Variants in DAAM1 observed in about 807,000 individuals in gnomAD.
DAAM1 encodes the protein disheveled-associated activator of morphogenesis 1.
A neutral mutation model predicts 130.0 loss-of-function variants in DAAM1; 52 were observed. The ratio of observed to expected loss-of-function variants is 0.40; its 90% CI spans 0.32 to 0.50. DAAM1 has a LOEUF of 0.50. DAAM1 is among the 20% of genes least tolerant of loss of function. The pLI is 0.61. For synonymous variants in DAAM1, 452 were observed against 444.5 expected (o/e 1.02, Z -0.21); for missense variants, 1,134 against 1,303.8 (o/e 0.87, Z 2.01).
At chr14:59,239,587 T>C (rs1268328529) in intron 1 of DAAM1, among the ~76,000 whole-genome samples, 2 of 152,166 alleles carry the variant, frequency 1.3e-5, no homozygotes, top group African/African-American at 2.4e-5. Context: ...ATTTTTAGAT[T>C]CTTGACATTT....
chr14:59,248,918 G>T (rs1264005997), intron 1 of DAAM1, among the ~76,000 whole-genome samples: 3 of 152,092 alleles, frequency 2.0e-5, no homozygotes, highest in Non-Finnish European at 4.4e-5. Context: ...CTCCCAAGTA[G>T]CTGGGACTAC....
chr14:59,280,637 C>T (rs1160002531), intron 2 of DAAM1, among the ~76,000 whole-genome samples: 10 of 139,874 alleles, frequency 7.1e-5, no homozygotes, highest in South Asian at 2.4e-4. Flanking sequence ...CTTTTGGGAA[C>T]GAGTTCACAA....
chr14:59,211,032 C>A (rs189883937), intron 1 of DAAM1, among the ~76,000 whole-genome samples: 1 of 152,162 alleles, frequency 6.6e-6, no homozygotes, highest in African/African-American at 2.4e-5. Context: ...GCTGTACTTA[C>A]GGTCCAATTG....
intron 2 of DAAM1, among the ~76,000 whole-genome samples, chr14:59,283,109 T>A (rs1883293664): frequency 6.6e-6 from 1 of 152,178 alleles, no homozygotes; most frequent in African/African-American, 2.4e-5. Flanking sequence ...ATCACATGTT[T>A]CTTCACACCT....
At chr14:59,313,781 A>AAG (rs1884682968) in intron 3 of DAAM1, among the ~76,000 whole-genome samples, 1 of 152,238 alleles carries the variant, frequency 6.6e-6, no homozygotes, top group Non-Finnish European at 1.5e-5. Context: ...TATTTTATTA[A>AAG]CATGTTAAAG....
intron 1 of DAAM1, among the ~76,000 whole-genome samples, chr14:59,198,239 A>G (rs1206241549): frequency 1.5e-5 from 2 of 132,722 alleles, no homozygotes; most frequent in Non-Finnish European, 3.1e-5. Context: ...GTAGTCTTGC[A>G]CTGTTGCCCA....
At chr14:59,262,295 G>A (rs889015295) in intron 1 of DAAM1, among the ~76,000 whole-genome samples, 14 of 152,108 alleles carry the variant, frequency 9.2e-5, no homozygotes, top group African/African-American at 3.4e-4. Context: ...TTAAAAAGAC[G>A]CAATGGCATC....
intron 2 of DAAM1, among the ~76,000 whole-genome samples, chr14:59,274,091 T>G (rs371618195): frequency 6.6e-6 from 1 of 152,188 alleles, no homozygotes; most frequent in South Asian, 2.1e-4. Flanking sequence ...TTAGTTATGA[T>G]TTTCGGGCTT....
intron 15 of DAAM1, among the ~76,000 whole-genome samples, chr14:59,337,888 A>G (rs1298387956): frequency 6.6e-6 from 1 of 152,150 alleles, no homozygotes; most frequent in Non-Finnish European, 1.5e-5. Flanking sequence ...ATCCTTCCTT[A>G]TAACACAAGA....
At chr14:59,325,768 G>A in intron 9 of DAAM1, 38 bp downstream of exon 9, 1 of 1,607,512 alleles carries the variant, frequency 6.2e-7, no homozygotes, top group Non-Finnish European at 8.5e-7. Flanking sequence ...TGATTCATCA[G>A]TTCACATTAT....
chr14:59,280,509 ATCT>A (rs1016614456), intron 2 of DAAM1, among the ~76,000 whole-genome samples: 1 of 138,686 alleles, frequency 7.2e-6, no homozygotes, highest in African/African-American at 2.7e-5. Flanking sequence ...CAGCTTCCCC[ATCT>A]TCTCTACTTT....
intron 1 of DAAM1, among the ~76,000 whole-genome samples, chr14:59,198,291 C>T (rs895272410): frequency 5.3e-5 from 8 of 151,518 alleles, no homozygotes; most frequent in Admixed American, 2.0e-4. Flanking sequence ...CTGCAACCTC[C>T]GCCTCCTGTG....
At chr14:59,318,400 G>A (rs1407451420) in intron 4 of DAAM1, among the ~76,000 whole-genome samples, 2 of 150,822 alleles carry the variant, frequency 1.3e-5, no homozygotes, top group African/African-American at 2.4e-5. Context: ...GCAAGGATGC[G>A]CTTTGTCCTT....
intron 2 of DAAM1, among the ~76,000 whole-genome samples, chr14:59,278,114 C>T (rs1201596461): frequency 1.3e-5 from 2 of 152,104 alleles, no homozygotes; most frequent in Non-Finnish European, 2.9e-5. Context: ...AATGTGGTCT[C>T]CTCCTCTCTT....
intron 3 of DAAM1, among the ~76,000 whole-genome samples, chr14:59,307,963 A>C (rs1184290600): frequency 6.6e-6 from 1 of 152,180 alleles, no homozygotes; most frequent in Non-Finnish European, 1.5e-5. Context: ...TTTACGGCCA[A>C]CTTTGTTAAA....
chr14:59,353,131 A>G (rs558501381), intron 18 of DAAM1, among the ~76,000 whole-genome samples: 1 of 152,306 alleles, frequency 6.6e-6, no homozygotes, highest in South Asian at 2.1e-4. Context: ...CACTCTTCCC[A>G]CGGAGCCTTG....
At chr14:59,322,175 G>T (rs976397027) in intron 5 of DAAM1, among the ~76,000 whole-genome samples, 1 of 152,074 alleles carries the variant, frequency 6.6e-6, no homozygotes, top group Non-Finnish European at 1.5e-5. Context: ...CATTGATAGG[G>T]TGTTTGGGTC....
intron 2 of DAAM1, among the ~76,000 whole-genome samples, chr14:59,288,986 C>T (rs752109933): frequency 3.8e-4 from 58 of 152,114 alleles, no homozygotes; most frequent in African/African-American, 1.1e-3. Context: ...GCACAATCTC[C>T]GCTCACTGCA....
In DAAM1 at chr14:59,280,535, CTTTT is replaced by C. The variant is rs35354608; in HGVS notation, c.184-10662_184-10659del. 1.7e-4 allele frequency among the ~76,000 whole-genome samples: 15 copies of C among 90,656 alleles called. No individual in the cohort carries two copies. The South Asian group carries it at 3.3e-3, about 20-fold the overall frequency. The allele number at this position is 90,656 out of a possible 152,430, so 59.5% of individuals were successfully genotyped here. A position where few individuals can be genotyped will look rare whatever the true frequency, so the allele number is the denominator to read the frequency against. ...TCTTCTCTACTTTCTGCACACCTTC[CTTTT>C]TTTTTTTTTTTTTTTTTTTCATTTC... is the stretch of plus-strand genomic sequence containing the variant. On this transcript the variant is annotated intron_variant, in intron 2 of 24. Coordinates refer to ENST00000360909, the MANE Select transcript of DAAM1 (RefSeq NM_001270520.2).
Sources: allele counts gnomAD v4.1 joint callset (sites outside exome capture counted in the v4.1 genomes callset), GRCh38; gene constraint gnomAD v4.1.1; transcripts MANE v1.5; gene names NCBI Gene and HGNC (gene_info 2026-07-23, HGNC 2026-07-21).